The following TUSC3 variants were observed in gnomAD, a reference collection of about 807,000 sequenced individuals.
TUSC3 encodes the protein dolichyl-diphosphooligosaccharide--protein glycosyltransferase subunit TUSC3.
Under a neutral mutation model 44.8 loss-of-function variants are expected in TUSC3, and 45 were observed. The ratio of observed to expected loss-of-function variants is 1.00; its 90% CI spans 0.79 to 1.29. The LOEUF (loss-of-function observed/expected upper bound fraction) is 1.29, where lower values mean the gene tolerates loss of function less well. Among genes scored for constraint, TUSC3 ranks in the 50% most tolerant of loss-of-function variants. TUSC3 has a pLI of 0.00. For synonymous variants in TUSC3, 212 were observed against 152.9 expected (o/e 1.39, Z -2.85); for missense variants, 519 against 437.9 (o/e 1.19, Z -1.65).
intron 6 of TUSC3, among the ~76,000 whole-genome samples, chr8:15,704,032 C>A (rs1479981220): frequency 6.6e-6 from 1 of 151,950 alleles, no homozygotes; most frequent in Non-Finnish European, 1.5e-5. Context: ...GGGACACAGA[C>A]AGTGAAAAAG....
At chr8:15,695,922 T>A (rs571365107) in intron 6 of TUSC3, among the ~76,000 whole-genome samples, 1 of 152,286 alleles carries the variant, frequency 6.6e-6, no homozygotes, top group East Asian at 1.9e-4. Flanking sequence ...GTGAGGTGGG[T>A]GCTGTTAAAC....
intron 1 of TUSC3, among the ~76,000 whole-genome samples, chr8:15,476,471 A>G (rs1800576568): frequency 6.6e-6 from 1 of 152,084 alleles, no homozygotes; most frequent in African/African-American, 2.4e-5. Flanking sequence ...GTAAATTCTC[A>G]GATATTAAGG....
intron 6 of TUSC3, among the ~76,000 whole-genome samples, chr8:15,708,169 G>C (rs1442348848): frequency 2.6e-5 from 4 of 151,946 alleles, no homozygotes; most frequent in Non-Finnish European, 5.9e-5. Flanking sequence ...ACACTGGGCA[G>C]AGTAGCATAA....
At chr8:15,513,204 T>G (rs1172438869) in intron 2 of TUSC3, among the ~76,000 whole-genome samples, 4 of 151,878 alleles carry the variant, frequency 2.6e-5, no homozygotes, top group African/African-American at 9.7e-5. Context: ...AGATTAAGGC[T>G]AACCAACTTG....
intron 6 of TUSC3, among the ~76,000 whole-genome samples, chr8:15,711,366 C>T (rs1396873230): frequency 6.6e-6 from 1 of 151,234 alleles, no homozygotes; most frequent in Non-Finnish European, 1.5e-5. Flanking sequence ...AACATAATTT[C>T]AAAGGATCTG....
intron 7 of TUSC3, among the ~76,000 whole-genome samples, chr8:15,736,223 G>C (rs546051254): frequency 6.6e-6 from 1 of 152,218 alleles, no homozygotes; most frequent in Admixed American, 6.5e-5. Context: ...TAAAGGAAGA[G>C]GAAGACACAC....
chr8:15,516,000 A>G (rs919879240), intron 2 of TUSC3, among the ~76,000 whole-genome samples: 7 of 152,134 alleles, frequency 4.6e-5, no homozygotes, highest in African/African-American at 1.4e-4. Flanking sequence ...ATTGTTTACT[A>G]TGTCCTTAGC....
At chr8:15,504,195 T>C (rs1258697261) in intron 2 of TUSC3, among the ~76,000 whole-genome samples, 1 of 152,076 alleles carries the variant, frequency 6.6e-6, no homozygotes, top group Non-Finnish European at 1.5e-5. Flanking sequence ...GTTCAAATGC[T>C]GGTTCTGTCA....
At chr8:15,698,711 G>T (rs1331555973) in intron 6 of TUSC3, among the ~76,000 whole-genome samples, 1 of 151,934 alleles carries the variant, frequency 6.6e-6, no homozygotes, top group Non-Finnish European at 1.5e-5. Context: ...AAAATGAAAT[G>T]TTTTTTACAT....
chr8:15,478,329 A>C (rs1194516071), intron 1 of TUSC3, among the ~76,000 whole-genome samples: 2 of 152,082 alleles, frequency 1.3e-5, no homozygotes, highest in Admixed American at 6.6e-5. Context: ...GGGTTTTTAC[A>C]TAAGTATACG....
chr8:15,561,362 C>G (rs1454043423), intron 1 of TUSC3, among the ~76,000 whole-genome samples: 1 of 143,608 alleles, frequency 7.0e-6, no homozygotes, highest in Non-Finnish European at 1.5e-5. Flanking sequence ...TCTGCCAGTT[C>G]TCAGATCTCC....
At chr8:15,585,637 C>A (rs953383601) in intron 1 of TUSC3, among the ~76,000 whole-genome samples, 1 of 152,144 alleles carries the variant, frequency 6.6e-6, no homozygotes, top group East Asian at 1.9e-4. Flanking sequence ...TAGAATCAAT[C>A]ACTCCCTATT....
chr8:15,806,894 G>T, the TUSC3 span: 2 of 1,261,292 alleles, frequency 1.6e-6, no homozygotes, highest in Non-Finnish European at 2.3e-6. Flanking sequence ...AAAGTAAGAC[G>T]CTTACATCTG....
intron 1 of TUSC3, among the ~76,000 whole-genome samples, chr8:15,617,032 T>C (rs886632532): frequency 6.6e-6 from 1 of 152,018 alleles, no homozygotes; most frequent in Non-Finnish European, 1.5e-5. Context: ...AAGAATCCTG[T>C]GTAATCAGCA....
At chr8:15,751,005 T>TAAAC (rs1415489631) in intron 9 of TUSC3, among the ~76,000 whole-genome samples, 1 of 152,170 alleles carries the variant, frequency 6.6e-6, no homozygotes, top group Non-Finnish European at 1.5e-5. Context: ...CCAGGTGTGC[T>TAAAC]AAACAGTGTG....
intron 1 of TUSC3, among the ~76,000 whole-genome samples, chr8:15,453,435 C>G (rs886593170): frequency 6.6e-6 from 1 of 152,160 alleles, no homozygotes; most frequent in Non-Finnish European, 1.5e-5. Context: ...CTTTTCTTGT[C>G]AGCATCTTTA....
chr8:15,650,836 A>C, intron 3 of TUSC3, 22 bp downstream of exon 3: 1 of 1,595,208 alleles, frequency 6.3e-7, no homozygotes, highest in East Asian at 2.2e-5. Flanking sequence ...TATCGTATTC[A>C]TATATTTAAC....
At chr8:15,836,496 A>C in the TUSC3 span, among the ~76,000 whole-genome samples, 715 of 151,160 alleles carry the variant, frequency 4.7e-3, 1 homozygote, top group Non-Finnish European at 8.4e-3. Flanking sequence ...AAAAAAATTA[A>C]TATAAGATTG....
chr8:15,633,659 G>A (rs1805923258), intron 2 of TUSC3, among the ~76,000 whole-genome samples: 1 of 152,054 alleles, frequency 6.6e-6, no homozygotes, highest in South Asian at 2.1e-4. Flanking sequence ...TGGCAGAGGT[G>A]GGGAAATGGA....
Sources: gnomAD v4.1 joint callset for allele counts (sites outside exome capture counted in the v4.1 genomes callset) on GRCh38, gnomAD v4.1.1 for gene constraint, MANE v1.5 for transcripts, NCBI Gene and HGNC (gene_info 2026-07-23, HGNC 2026-07-21) for gene names.